The following PITPNA variants were observed in gnomAD, a reference collection of about 807,000 sequenced individuals.
PITPNA encodes phosphatidylinositol transfer protein alpha.
In PITPNA, 13 loss-of-function variants were observed where a neutral mutation model predicts 50.3. That is an observed-to-expected ratio of 0.26 (90% CI 0.17 to 0.41). The LOEUF is 0.41. Ranked by LOEUF, PITPNA falls within the 10% of genes least tolerant of loss-of-function variation. The pLI, the probability that PITPNA is intolerant of heterozygous loss-of-function variation, is 1.00. For missense variants in PITPNA, 207 were observed against 333.4 expected (o/e 0.62, Z 2.95); for synonymous variants, 120 against 119.6 (o/e 1.00, Z -0.02).
chr17:1,521,151 A>T (rs1269148635), intron 11 of PITPNA, among the ~76,000 whole-genome samples: 1 of 152,184 alleles, frequency 6.6e-6, no homozygotes, highest in African/African-American at 2.4e-5. Flanking sequence ...AGCACCAGAC[A>T]ACAGTGGGTG....
intron 7 of PITPNA, chr17:1,535,954 ACT>A (rs2075613376): frequency 1.1e-5 from 2 of 185,304 alleles, no homozygotes; most frequent in African/African-American, 4.8e-5. Flanking sequence ...TCTGCAAGTG[ACT>A]CTAAAATACA....
chr17:1,538,957 G>A lies in PITPNA; in HGVS notation c.373-5C>T. On this transcript the variant is annotated splice_region_variant and splice_polypyrimidine_tract_variant and intron_variant, in intron 6 of 11. Coordinates refer to ENST00000313486, the MANE Select transcript of PITPNA (RefSeq NM_006224.4). ...CTCAGGCTCCAGCTTATGCACCTGT[G>A]GGAACAAGTGGGGAACCACTATGCA... The A allele has an allele frequency of 6.2e-7, 1 of 1,600,580 alleles. No individual in the cohort carries two copies.
Position 1,534,132 on chromosome 17 carries a change from C to T in PITPNA, c.735G>A (p.Arg245=), listed in dbSNP as rs375499014. The T allele has an allele frequency of 1.4e-3, 2,290 of 1,613,758 alleles. 3 individuals carry two copies. The highest frequency in any genetic ancestry group is 1.8e-3 in the Non-Finnish European group (2,165 of 1,179,844). ...GCTGTCTCTTCGTCTCTTCTTCCAT[C>T]CTTCGAATGTCGTCCATGGTCAGGT... ...WVDLTMDDIR[R]MEEETKRQLD... is the part of the protein sequence containing the mutation. Residue 245 remains arginine, a synonymous_variant, in exon 10 of 12, where the codon AGG becomes AGA. Transcript: ENST00000313486.
At chr17:1,523,741 C>T (rs191167858) in intron 10 of PITPNA, among the ~76,000 whole-genome samples, 234 of 152,108 alleles carry the variant, frequency 1.5e-3, no homozygotes, top group Middle Eastern at 3.4e-3. Context: ...AATCTCCTAA[C>T]CTCACGATCT....
In PITPNA at chr17:1,562,225, G is replaced by A. The variant is rs1480667477; in HGVS notation, c.20+316C>T. ...AGCCGTCCGCCCGGGTTGTCCCTCC[G>A]TGCCCGTGGGCCCCTCCATGCCCCG... On this transcript the variant is annotated intron_variant, in intron 1 of 11. Transcript: ENST00000313486. The surrounding 1 kb of genome is among the most constrained non-coding windows in gnomAD (Gnocchi z 6.4). 6.6e-6 allele frequency among the ~76,000 whole-genome samples: 1 copy of A among 151,740 alleles called. No individual in the cohort carries two copies. The highest frequency in any genetic ancestry group is 2.4e-5 in the African/African-American group (1 of 41,294).
At chr17:1,520,793 C>G (rs2075506632) in intron 11 of PITPNA, among the ~76,000 whole-genome samples, 1 of 152,184 alleles carries the variant, frequency 6.6e-6, no homozygotes, top group Non-Finnish European at 1.5e-5. Context: ...TGCCGTCACT[C>G]CTGGTGAGAC....
intron 10 of PITPNA, among the ~76,000 whole-genome samples, chr17:1,528,127 G>T (rs1341242844): frequency 6.6e-6 from 1 of 152,170 alleles, no homozygotes; most frequent in Non-Finnish European, 1.5e-5. Context: ...AGCGTTTCAG[G>T]CTGCCATACT....
intron 2 of PITPNA, among the ~76,000 whole-genome samples, chr17:1,554,612 C>A (rs989162525): frequency 6.6e-6 from 1 of 151,968 alleles, no homozygotes; most frequent in African/African-American, 2.4e-5. Context: ...TCACTGCCTC[C>A]AACAGCAAGG....
chr17:1,526,888 C>T (rs889644639), intron 10 of PITPNA, among the ~76,000 whole-genome samples: 1 of 152,164 alleles, frequency 6.6e-6, no homozygotes, highest in Non-Finnish European at 1.5e-5. Context: ...TCTCAGCCTC[C>T]TAAGTAGCTG....
rs192122018 is a variant in PITPNA at position 1,535,227 on chromosome 17, G to C, written c.600C>G (p.Phe200Leu). 1.2e-6 allele frequency: 2 copies of C among 1,613,908 alleles called. No homozygotes were observed. Among genetic ancestry groups the C allele is most frequent in the Non-Finnish European group, 1.7e-6 (2 of 1,179,762 alleles). Residue 200 changes from phenylalanine (F) to leucine (L), a missense_variant, in exon 9 of 12, where the codon TTC (phenylalanine) becomes TTG (leucine). Phe to Leu is a conservative substitution (Grantham distance 22). Transcript: ENST00000313486. ...MCAYKLVTVK[F>L]KWWGLQNKVE... is the part of the protein sequence containing the mutation. ...CTTTGTTCTGCAGGCCCCACCACTT[G>C]AACTTGACGGTCACCAGTTTGTATG...
intron 11 of PITPNA, among the ~76,000 whole-genome samples, chr17:1,520,788 T>A (rs1034673956): frequency 6.6e-6 from 1 of 152,104 alleles, no homozygotes; most frequent in African/African-American, 2.4e-5. Flanking sequence ...GGGCCTGCCG[T>A]CACTCCTGGT....
intron 10 of PITPNA, among the ~76,000 whole-genome samples, chr17:1,530,159 T>C (rs1358792643): frequency 1.3e-5 from 2 of 152,174 alleles, no homozygotes; most frequent in African/African-American, 2.4e-5. Flanking sequence ...TTTTTATTAC[T>C]ACCATATTTG....
At chr17:1,547,132 G>T (rs964392359) in intron 4 of PITPNA, among the ~76,000 whole-genome samples, 23 of 151,654 alleles carry the variant, frequency 1.5e-4, no homozygotes, top group Admixed American at 1.1e-3. Flanking sequence ...GGCCAAGGTG[G>T]GAGGATCGCT....
intron 6 of PITPNA, 79 bp downstream of exon 6, chr17:1,541,487 A>AC: frequency 1.0e-6 from 1 of 983,500 alleles, no homozygotes; most frequent in South Asian, 1.3e-5. Flanking sequence ...CACAGAGAGG[A>AC]CCCCATGGTA....
At chr17:1,560,821 C>T (rs1440200679) in intron 1 of PITPNA, among the ~76,000 whole-genome samples, 2 of 152,174 alleles carry the variant, frequency 1.3e-5, no homozygotes, top group African/African-American at 4.8e-5. Context: ...GACTGGATGT[C>T]AAGAAACAGA....
At chr17:1,545,050 C>T (rs1327676621) in intron 4 of PITPNA, among the ~76,000 whole-genome samples, 1 of 151,090 alleles carries the variant, frequency 6.6e-6, no homozygotes, top group Non-Finnish European at 1.5e-5. Context: ...ATACTGTATC[C>T]AGCCGAGGAC....
At chr17:1,543,771 T>A (rs1009358967) in intron 4 of PITPNA, among the ~76,000 whole-genome samples, 1 of 152,214 alleles carries the variant, frequency 6.6e-6, no homozygotes. Flanking sequence ...GTAAGAGCTA[T>A]CACGCACAGA....
intron 7 of PITPNA, among the ~76,000 whole-genome samples, chr17:1,537,149 C>T (rs946526852): frequency 4.6e-5 from 7 of 151,956 alleles, no homozygotes; most frequent in African/African-American, 1.7e-4. Context: ...CTGCAACCTC[C>T]GCCTCCTGGG....
chr17:1,544,363 C>T (rs1037741111), intron 4 of PITPNA, among the ~76,000 whole-genome samples: 6 of 152,240 alleles, frequency 3.9e-5, no homozygotes, highest in East Asian at 1.9e-4. Flanking sequence ...GGTTTTTACA[C>T]ATTCATCTTT....
Sources: gnomAD v4.1 joint callset for allele counts (sites outside exome capture counted in the v4.1 genomes callset) on GRCh38, gnomAD v4.1.1 for gene constraint, Gnocchi (gnomAD v3.1) non-coding constraint, MANE v1.5 for transcripts, NCBI Gene and HGNC (gene_info 2026-07-23, HGNC 2026-07-21) for gene names.